GTF2I: variants seen among roughly 807,000 people sequenced by gnomAD.
GTF2I encodes general transcription factor IIi, also known as general transcription factor II-I.
Under a neutral mutation model 67.6 loss-of-function variants are expected in GTF2I, and 12 were observed. The ratio of observed to expected loss-of-function variants is 0.18; its 90% CI spans 0.11 to 0.29. The LOEUF is 0.29. GTF2I is among the 10% of genes least tolerant of loss of function. The probability of loss-of-function intolerance (pLI) is 1.00; values close to 1 mark genes in which losing one functional copy is unlikely to be tolerated. For missense variants in GTF2I, 271 were observed against 580.1 expected (o/e 0.47, Z 5.47); for synonymous variants, 149 against 197.0 (o/e 0.76, Z 2.04).
At position 74,657,917 on chromosome 7, in the gene GTF2I, G is replaced by C. The variant is rs1488848288; in HGVS notation, c.-157G>C. On this transcript the variant is annotated 5_prime_UTR_variant, in exon 1 of 35. Coordinates refer to ENST00000573035, the MANE Select transcript of GTF2I (RefSeq NM_032999.4). Reference sequence around the variant, plus strand: ...GCGGTGACAGGAGCGCGACCGACACGCACGGGCCCCTCGCCCCCTCTCGCC... The same window carrying C: ...GCGGTGACAGGAGCGCGACCGACACCCACGGGCCCCTCGCCCCCTCTCGCC... 6.6e-6 allele frequency: 1 copy of C among 152,098 alleles called. No homozygotes were observed. The highest frequency in any genetic ancestry group is 1.9e-4 in the East Asian group (1 of 5,146). 9.4% of individuals were successfully genotyped at this position (152,098 alleles called of 1,614,324 possible).
chr7:74,692,127 G>A (rs1440159987), intron 3 of GTF2I, among the ~76,000 whole-genome samples: 1 of 149,334 alleles, frequency 6.7e-6, no homozygotes, highest in African/African-American at 2.5e-5. Context: ...AGGCTGGAGT[G>A]CAGTGGCGCG....
At chr7:74,750,297 A>G (rs1455409330) in intron 26 of GTF2I, among the ~76,000 whole-genome samples, 3 of 110,360 alleles carry the variant, frequency 2.7e-5, no homozygotes, top group African/African-American at 7.7e-5. Context: ...AAAAAAAAAT[A>G]GCCAGGGGTG....
At chr7:74,660,240 A>G (rs1442702308) in intron 1 of GTF2I, among the ~76,000 whole-genome samples, 2 of 147,516 alleles carry the variant, frequency 1.4e-5, no homozygotes, top group African/African-American at 5.1e-5. Context: ...CCCAGGCTGG[A>G]GTGCAGTGGC....
chr7:74,720,631 C>T (rs2131450883), intron 12 of GTF2I, among the ~76,000 whole-genome samples: 2 of 152,056 alleles, frequency 1.3e-5, no homozygotes, highest in East Asian at 3.9e-4. Flanking sequence ...CAGCTGTGCC[C>T]TTTCTATGGA....
chr7:74,689,898 G>A (rs1368168928), intron 2 of GTF2I, among the ~76,000 whole-genome samples: 1 of 151,860 alleles, frequency 6.6e-6, no homozygotes, highest in East Asian at 2.0e-4. Flanking sequence ...TGTATTTTTA[G>A]TAGAGACAGG....
At chr7:74,691,477 G>T (rs1554397046) in intron 3 of GTF2I, among the ~76,000 whole-genome samples, 1 of 152,014 alleles carries the variant, frequency 6.6e-6, no homozygotes, top group Non-Finnish European at 1.5e-5. Flanking sequence ...AAGTGCAGAG[G>T]GATTATAGGC....
intron 1 of GTF2I, among the ~76,000 whole-genome samples, chr7:74,662,518 T>A (rs1804607591): frequency 1.0e-5 from 1 of 100,106 alleles, no homozygotes; most frequent in Admixed American, 9.4e-5. Flanking sequence ...ACCCTTTTTT[T>A]TTTTTTTTTT....
At chr7:74,753,071 G>C (rs1795920356) in intron 28 of GTF2I, 23 bp from the exon 29 acceptor site, 1 of 1,599,380 alleles carries the variant, frequency 6.3e-7, no homozygotes, top group Admixed American at 1.8e-5. Context: ...TTTAAGTTTT[G>C]GGTTTTCTCT....
chr7:74,714,028 CT>C (rs1554403109), intron 9 of GTF2I, among the ~76,000 whole-genome samples: 1 of 152,088 alleles, frequency 6.6e-6, no homozygotes, highest in African/African-American at 2.4e-5. Context: ...AGAATGAAGC[CT>C]TTCAAACAAC....
In GTF2I at chr7:74,683,994, G is replaced by A. The variant is rs888324924; in HGVS notation, c.-5-5130G>A. On this transcript the variant is annotated intron_variant, in intron 1 of 34. Coordinates refer to ENST00000573035, the MANE Select transcript of GTF2I (RefSeq NM_032999.4). ...TACTGGGAGACCTCTGAGTTTTGAT[G>A]TGTCATGACAGATAGGAGAGGTCAT... is the stretch of plus-strand genomic sequence containing the variant. 3.3e-5 allele frequency among the ~76,000 whole-genome samples: 5 copies of A among 151,708 alleles called. 1 individual carries two copies. The South Asian group carries it at 1.0e-3, about 31-fold the overall frequency.
Position 74,676,116 on chromosome 7 carries a change from T to A in GTF2I, c.-5-13008T>A, listed in dbSNP as rs1014000408. Among the ~76,000 whole-genome samples the A allele has an allele frequency of 3.9e-5, 6 of 152,108 alleles. No homozygotes were observed. The South Asian group carries it at 1.2e-3, about 32-fold the overall frequency. ...GATTCTATTCTTAGCAATTCTGTGATCTTGGGCAATTTACATTGTCTTTTA... is the reference window on the plus strand; with the variant it reads ...GATTCTATTCTTAGCAATTCTGTGAACTTGGGCAATTTACATTGTCTTTTA... On this transcript the variant is annotated intron_variant, in intron 1 of 34. Coordinates refer to ENST00000573035, the MANE Select transcript of GTF2I (RefSeq NM_032999.4).
At chr7:74,687,404 A>G (rs117605274) in intron 1 of GTF2I, 2,629 of 163,482 alleles carry the variant, frequency 0.016, 43 homozygotes, top group Non-Finnish European at 0.02. Context: ...GGAATTTTTA[A>G]TAGAGACAGG....
chr7:74,685,492 G>C (rs2428793), intron 1 of GTF2I, among the ~76,000 whole-genome samples: 25,445 of 151,836 alleles, frequency 0.17, 3,870 homozygotes, highest in African/African-American at 0.41. Context: ...GCAAGACCCT[G>C]TCTCAAAACA....
chr7:74,692,072 C>T (rs868920215), intron 3 of GTF2I, among the ~76,000 whole-genome samples: 23 of 147,928 alleles, frequency 1.6e-4, no homozygotes, highest in East Asian at 4.0e-4. Context: ...CCACCACTCT[C>T]GGCTTTTTTT....
intron 1 of GTF2I, among the ~76,000 whole-genome samples, chr7:74,688,157 C>A (rs1787908008): frequency 6.6e-6 from 1 of 152,170 alleles, no homozygotes; most frequent in African/African-American, 2.4e-5. Flanking sequence ...CGGCTCACTG[C>A]AACCTCCGTC....
chr7:74,663,565 A>C (rs933565394), intron 1 of GTF2I, among the ~76,000 whole-genome samples: 1 of 152,194 alleles, frequency 6.6e-6, no homozygotes, highest in Non-Finnish European at 1.5e-5. Context: ...TGCTGAGATT[A>C]CAGGCGTGAG....
At chr7:74,664,436 C>T (rs1194743140) in intron 1 of GTF2I, among the ~76,000 whole-genome samples, 2 of 152,044 alleles carry the variant, frequency 1.3e-5, no homozygotes, top group African/African-American at 4.8e-5. Flanking sequence ...TAACTTGTTT[C>T]TGTTTTTGTT....
chr7:74,723,516 C>T (rs894688586), intron 12 of GTF2I, among the ~76,000 whole-genome samples: 8 of 148,326 alleles, frequency 5.4e-5, no homozygotes, highest in Non-Finnish European at 1.2e-4. Flanking sequence ...CCGCAGCCTC[C>T]GCCTCCTGGG....
At chr7:74,719,933 A>T (rs1792726170) in intron 12 of GTF2I, among the ~76,000 whole-genome samples, 1 of 152,068 alleles carries the variant, frequency 6.6e-6, no homozygotes, top group South Asian at 2.1e-4. Context: ...AAAAAAATTA[A>T]AATTAAAATT....
Sources: gnomAD v4.1 joint callset for allele counts (sites outside exome capture counted in the v4.1 genomes callset) on GRCh38, gnomAD v4.1.1 for gene constraint, MANE v1.5 for transcripts, NCBI Gene and HGNC (gene_info 2026-07-23, HGNC 2026-07-21) for gene names.